Variants in FDX1 observed in about 807,000 individuals in gnomAD.
The protein encoded by FDX1 is adrenodoxin, mitochondrial.
FDX1 carries 9 observed loss-of-function variants against 14.9 expected under a neutral mutation model. The observed-to-expected ratio is 0.60, with a 90% CI of 0.36 to 1.05. The LOEUF is 1.05. Among genes scored for constraint, FDX1 ranks in the 50% least tolerant of loss-of-function variants. FDX1 has a pLI of 0.01. For synonymous variants in FDX1, 92 were observed against 99.4 expected, an observed-to-expected ratio of 0.93 and a Z score of 0.44; for missense variants, 204 against 237.2, an observed-to-expected ratio of 0.86 and a Z score of 0.92.
At chr11:110,458,614 CT>C (rs200776824) in intron 3 of FDX1, among the ~76,000 whole-genome samples, 49 of 146,118 alleles carry the variant, frequency 3.4e-4, no homozygotes, top group South Asian at 8.7e-4. Flanking sequence ...ACCATCGTTT[CT>C]TTTTTTTTTT....
intron 2 of FDX1, among the ~76,000 whole-genome samples, chr11:110,439,410 T>G (rs1403440557): frequency 1.3e-5 from 2 of 152,158 alleles, no homozygotes; most frequent in Non-Finnish European, 2.9e-5. Flanking sequence ...GGGTTTCCCA[T>G]GTTGGCCAGG....
At chr11:110,432,622 C>T (rs1946339164) in intron 1 of FDX1, among the ~76,000 whole-genome samples, 1 of 152,042 alleles carries the variant, frequency 6.6e-6, no homozygotes, top group Non-Finnish European at 1.5e-5. Context: ...GCGCGTGCCA[C>T]CACACTCGGC....
At chr11:110,438,366 A>C (rs145564351) in intron 2 of FDX1, among the ~76,000 whole-genome samples, 2 of 152,236 alleles carry the variant, frequency 1.3e-5, no homozygotes, top group East Asian at 3.9e-4. Flanking sequence ...TTTGATTTGC[A>C]GAGTGGAGTA....
intron 1 of FDX1, among the ~76,000 whole-genome samples, chr11:110,434,759 C>T (rs1249247162): frequency 7.7e-6 from 1 of 129,556 alleles, no homozygotes; most frequent in Non-Finnish European, 1.6e-5. Context: ...GAGACAGGGC[C>T]TTGAGCTGTT....
At chr11:110,431,101 TAGCAGCAGCAGCAGCAGCAGC>T (rs35673502) in intron 1 of FDX1, among the ~76,000 whole-genome samples, 3 of 151,110 alleles carry the variant, frequency 2.0e-5, no homozygotes, top group South Asian at 4.2e-4. Context: ...TGCCACTTGG[TAGCAGCAGCAGCAGCAGCAGC>T]AGCAGCAGCA....
intron 2 of FDX1, among the ~76,000 whole-genome samples, chr11:110,444,318 A>T (rs201253319): frequency 6.6e-6 from 1 of 152,000 alleles, no homozygotes; most frequent in Non-Finnish European, 1.5e-5. Flanking sequence ...GGAGTCTCTT[A>T]AAAAGAGTAA....
At chr11:110,432,315 G>A (rs1204542455) in intron 1 of FDX1, among the ~76,000 whole-genome samples, 6 of 151,936 alleles carry the variant, frequency 3.9e-5, no homozygotes. Context: ...AGGTAGGGAG[G>A]GTAGATAAAT....
intron 2 of FDX1, among the ~76,000 whole-genome samples, chr11:110,444,688 GTATATA>G (rs199640851): frequency 4.0e-5 from 1 of 24,882 alleles, no homozygotes; most frequent in African/African-American, 1.9e-4. Context: ...ATATATACAC[GTATATA>G]TATATATATA....
At chr11:110,430,898 C>T (rs1370076321) in intron 1 of FDX1, among the ~76,000 whole-genome samples, 1 of 152,214 alleles carries the variant, frequency 6.6e-6, no homozygotes, top group Non-Finnish European at 1.5e-5. Context: ...AGTAATCTGC[C>T]GGGACTTGAA....
Position 110,463,246 on chromosome 11 carries a change from T to C in FDX1, c.*778T>C, listed in dbSNP as rs1283364936. 6.6e-6 allele frequency: 1 copy of C among 152,238 alleles called. No homozygotes were observed. Among genetic ancestry groups the C allele is most frequent in the Non-Finnish European group, 1.5e-5 (1 of 68,040 alleles). 9.4% of individuals were successfully genotyped at this position (152,238 alleles called of 1,614,324 possible). ...TTATAAATCTCTGCCTATAACAGAA[T>C]GGAAACCTTATGAATGAATTGTGTT... On this transcript the variant is annotated 3_prime_UTR_variant, in exon 4 of 4. Transcript: ENST00000260270.
intron 2 of FDX1, among the ~76,000 whole-genome samples, chr11:110,442,232 C>T (rs532382088): frequency 6.6e-6 from 1 of 152,284 alleles, no homozygotes; most frequent in East Asian, 1.9e-4. Context: ...GGGTTGGAGC[C>T]CCCACACAGA....
intron 2 of FDX1, among the ~76,000 whole-genome samples, chr11:110,452,342 A>G (rs571921185): frequency 1.1e-4 from 16 of 152,280 alleles, no homozygotes; most frequent in Admixed American, 4.6e-4. Flanking sequence ...TCACATATCC[A>G]GTGAAAGGAC....
intron 2 of FDX1, among the ~76,000 whole-genome samples, chr11:110,440,932 A>G (rs1436443550): frequency 2.0e-5 from 3 of 152,238 alleles, no homozygotes; most frequent in Non-Finnish European, 4.4e-5. Context: ...CTCATCTTGA[A>G]TTCCCACCTG....
At chr11:110,437,055 G>A (rs938186461) in intron 2 of FDX1, among the ~76,000 whole-genome samples, 21 of 152,272 alleles carry the variant, frequency 1.4e-4, no homozygotes, top group African/African-American at 4.6e-4. Flanking sequence ...AAGTGCGGTC[G>A]TGCAATCACA....
chr11:110,430,143 G>T lies in FDX1; in HGVS notation c.23G>T (p.Arg8Leu). ...GCGATGGCTGCCGCTGGGGGCGCCCGGCTGCTGCGCGCCGCTTCTGCTGTC... is the reference window on the plus strand; with the variant it reads ...GCGATGGCTGCCGCTGGGGGCGCCCTGCTGCTGCGCGCCGCTTCTGCTGTC... MAAAGGA[R>L]LLRAASAVLG... The change falls in exon 1 of 4, where the codon CGG becomes CTG. Residue 8 changes from arginine to leucine, a missense_variant. By Grantham distance (102) the Arg-to-Leu change is moderately radical (BLOSUM62 -2). Transcript: ENST00000260270. 1 of 1,241,566 alleles carries T rather than the reference G, an allele frequency of 8.1e-7. No homozygotes were observed. The highest frequency in any genetic ancestry group is 3.5e-5 in the South Asian group (1 of 28,738). 76.9% of individuals were successfully genotyped at this position (1,241,566 alleles called of 1,614,324 possible).
Position 110,456,920 on chromosome 11 carries a change from G to A in FDX1, c.313G>A (p.Ala105Thr). 6.2e-7 allele frequency: 1 copy of A among 1,610,756 alleles called. No homozygotes were observed. Among genetic ancestry groups the A allele is most frequent in the Non-Finnish European group, 8.5e-7 (1 of 1,178,312 alleles). ...ENNLDIDGFG[A>T]CEGTLACSTC... is the part of the protein sequence containing the mutation. ...TCAGTGTTTGTTGCTTTTGTCAGGTGCATGTGAGGGAACCCTGGCTTGTTC... is the reference window on the plus strand; with the variant it reads ...TCAGTGTTTGTTGCTTTTGTCAGGTACATGTGAGGGAACCCTGGCTTGTTC... Residue 105 changes from alanine (A) to threonine (T), a missense_variant and splice_region_variant, in exon 3 of 4, where the codon GCA becomes ACA. Physicochemically the swap from Ala to Thr is moderately conservative, Grantham distance 58. Transcript: ENST00000260270.
In FDX1 at chr11:110,462,448, G is replaced by T. The variant is rs1359990731; in HGVS notation, c.535G>T (p.Asp179Tyr). The change falls in exon 4 of 4, where the codon GAT becomes TAT. Residue 179 changes from aspartate to tyrosine, a missense_variant. Physicochemically the swap from Asp to Tyr is radical, Grantham distance 160 (BLOSUM62 -3). Coordinates refer to ENST00000260270, the MANE Select transcript of FDX1 (RefSeq NM_004109.5). ...ETVADARQSI[D>Y]VGKTS The stretch of plus-strand genomic sequence containing the variant: ...AGTGGCTGATGCCAGACAATCCATT[G>T]ATGTGGGCAAGACCTCCTGAACTAG... 3.3e-6 allele frequency: 5 copies of T among 1,533,792 alleles called. No individual in the cohort carries two copies. In the East Asian group the frequency reaches 1.1e-4, roughly 34 times the overall value.
rs375923381 is a variant in FDX1 at position 110,446,362 on chromosome 11, C to T, written c.310+10404C>T. On this transcript the variant is annotated intron_variant, in intron 2 of 3. Transcript: ENST00000260270. ...ACACCGTACTCCAAACATGGCTGAC[C>T]GAAGTACTTAGTTTCTTTACAGTTT... Among the ~76,000 whole-genome samples, 11 of 152,112 alleles carry T rather than the reference C, an allele frequency of 7.2e-5. No individual in the cohort carries two copies. In the East Asian group the frequency reaches 9.6e-4, roughly 13 times the overall value.
chr11:110,444,688 GTATA>G (rs199640851), intron 2 of FDX1, among the ~76,000 whole-genome samples: 1 of 24,880 alleles, frequency 4.0e-5, no homozygotes. Flanking sequence ...ATATATACAC[GTATA>G]TATATATATA....
Sources: allele counts gnomAD v4.1 joint callset (sites outside exome capture counted in the v4.1 genomes callset), GRCh38; gene constraint gnomAD v4.1.1; transcripts MANE v1.5; gene names NCBI Gene and HGNC (gene_info 2026-07-23, HGNC 2026-07-21).